CCDC170: variants seen among roughly 807,000 people sequenced by gnomAD.
CCDC170 encodes the protein coiled-coil domain-containing protein 170.
Under a neutral mutation model 72.6 loss-of-function variants are expected in CCDC170, and 69 were observed. That is an observed-to-expected ratio of 0.95 (90% CI 0.78 to 1.16). The LOEUF (loss-of-function observed/expected upper bound fraction) is 1.16. Ranked by LOEUF, CCDC170 falls within the 50% of genes most tolerant of loss-of-function variation. The probability of loss-of-function intolerance (pLI) is 0.00; values close to 1 mark genes in which losing one functional copy is unlikely to be tolerated. For synonymous variants in CCDC170, 300 were observed against 303.9 expected (o/e 0.99, Z 0.13); for missense variants, 852 against 832.5 (o/e 1.02, Z -0.29).
intron 1 of CCDC170, among the ~76,000 whole-genome samples, chr6:151,507,839 T>G (rs1017864616): frequency 3.3e-5 from 5 of 151,672 alleles, no homozygotes; most frequent in African/African-American, 1.2e-4. Context: ...GAGAATCGCT[T>G]GAACCAGGGA....
chr6:151,499,170 A>T lies in CCDC170; in HGVS notation c.57+4985A>T, dbSNP rs539760143. 1.7e-3 allele frequency among the ~76,000 whole-genome samples: 236 copies of T among 141,568 alleles called. 11 individuals carry two copies. Among genetic ancestry groups the T allele is most frequent in the Non-Finnish European group, 2.5e-3 (166 of 66,814 alleles). The allele number at this position is 141,568 out of a possible 152,430, so 92.9% of individuals were successfully genotyped here. On this transcript the variant is annotated intron_variant, in intron 1 of 10. Coordinates refer to ENST00000239374, the MANE Select transcript of CCDC170 (RefSeq NM_025059.4). ...CTAGGCACGCTGTATAAGTGGAATC[A>T]GACTGTATTTGACTATTTTAGGCAC...
intron 1 of CCDC170, among the ~76,000 whole-genome samples, chr6:151,500,312 C>A (rs564316163): frequency 6.6e-6 from 1 of 150,502 alleles, no homozygotes; most frequent in African/African-American, 2.4e-5. Context: ...AAGTCAGAAG[C>A]CTTCTCTAGA....
rs35011106 is a variant in CCDC170 at position 151,620,189 on chromosome 6, C to CAAAAAAAAAAAAA, written c.*2047_*2059dup. 1 of 104,666 alleles carries CAAAAAAAAAAAAA rather than the reference C, an allele frequency of 9.6e-6. No homozygotes were observed. Among genetic ancestry groups the CAAAAAAAAAAAAA allele is most frequent in the Non-Finnish European group, 1.9e-5 (1 of 52,116 alleles). 6.5% of individuals were successfully genotyped at this position (104,666 alleles called of 1,614,324 possible). On this transcript the variant is annotated 3_prime_UTR_variant, in exon 11 of 11. Coordinates refer to ENST00000239374, the MANE Select transcript of CCDC170 (RefSeq NM_025059.4). ...CCAATAAATGTAGAATGGATGATTC[C>CAAAAAAAAAAAAA]AAAAAAAAAAAAAAAAAGAAGAAAG... is the stretch of plus-strand genomic sequence containing the variant.
intron 9 of CCDC170, among the ~76,000 whole-genome samples, chr6:151,608,460 A>G (rs926714073): frequency 6.6e-6 from 1 of 152,214 alleles, no homozygotes; most frequent in African/African-American, 2.4e-5. Flanking sequence ...CCGCTTTTGT[A>G]GGGAAAGACT....
intron 5 of CCDC170, among the ~76,000 whole-genome samples, chr6:151,560,099 G>A (rs1055808712): frequency 1.3e-5 from 2 of 152,090 alleles, no homozygotes; most frequent in Non-Finnish European, 2.9e-5. Flanking sequence ...TTCACATTTA[G>A]CACTATATTT....
At chr6:151,497,968 A>G (rs980998586) in intron 1 of CCDC170, among the ~76,000 whole-genome samples, 9 of 151,620 alleles carry the variant, frequency 5.9e-5, no homozygotes, top group African/African-American at 1.5e-4. Flanking sequence ...AAAAAAAAAA[A>G]AAAAAAAGAA....
chr6:151,582,181 C>G (rs989148384), intron 6 of CCDC170, among the ~76,000 whole-genome samples: 9 of 152,240 alleles, frequency 5.9e-5, no homozygotes, highest in African/African-American at 2.2e-4. Context: ...AACCTCTTCC[C>G]ATAGAAGGCT....
intron 1 of CCDC170, among the ~76,000 whole-genome samples, chr6:151,528,085 C>A (rs1257715741): frequency 6.6e-6 from 1 of 152,142 alleles, no homozygotes; most frequent in Non-Finnish European, 1.5e-5. Context: ...CCCCGTGAGA[C>A]AATTTCAATC....
chr6:151,540,514 T>C (rs545296013), intron 3 of CCDC170, among the ~76,000 whole-genome samples: 21 of 150,034 alleles, frequency 1.4e-4, no homozygotes, highest in African/African-American at 5.1e-4. Flanking sequence ...GCCTCCCAAG[T>C]AGCTGGGATT....
Position 151,561,380 on chromosome 6 carries a change from C to T in CCDC170, c.775-11794C>T, listed in dbSNP as rs140250648. 3.0e-3 allele frequency among the ~76,000 whole-genome samples: 460 copies of T among 152,116 alleles called. 5 individuals are homozygous for T. The highest frequency in any genetic ancestry group is 0.011 in the African/African-American group (437 of 41,516). ...TATTCTTTCATTTCCATGTTTAGAA[C>T]TCCTTTGAGCATTTCTTGTAGGTCT... On this transcript the variant is annotated intron_variant, in intron 5 of 10. Coordinates refer to ENST00000239374, the MANE Select transcript of CCDC170 (RefSeq NM_025059.4).
intron 1 of CCDC170, among the ~76,000 whole-genome samples, chr6:151,530,331 C>G (rs1782476095): frequency 6.6e-6 from 1 of 151,366 alleles, no homozygotes; most frequent in South Asian, 2.1e-4. Flanking sequence ...ATACATATTG[C>G]CAAATACTTT....
At chr6:151,546,997 GA>G (rs34984012) in intron 4 of CCDC170, among the ~76,000 whole-genome samples, 30 of 148,684 alleles carry the variant, frequency 2.0e-4, no homozygotes, top group Middle Eastern at 3.5e-3. Context: ...GTCTTAAGAA[GA>G]AAAAAAAAAA....
Position 151,596,448 on chromosome 6 carries a change from G to C in CCDC170, c.1581G>C (p.Glu527Asp). 7 of 1,614,158 alleles carry C rather than the reference G, an allele frequency of 4.3e-6. No individual in the cohort carries two copies. Among genetic ancestry groups the C allele is most frequent in the Non-Finnish European group, 5.1e-6 (6 of 1,180,030 alleles). The part of the protein sequence containing the change: ...EKQARTALVV[E>D]RDNAHLTIRN... ...AGGCACGCACGGCCTTGGTGGTTGAGAGGGACAACGCGCATCTTACCATCA... is the reference window on the plus strand; with the variant it reads ...AGGCACGCACGGCCTTGGTGGTTGACAGGGACAACGCGCATCTTACCATCA... Residue 527 changes from glutamate to aspartate, a missense_variant, in exon 9 of 11, where the codon GAG becomes GAC. Physicochemically the swap from Glu to Asp is conservative, Grantham distance 45. Transcript: ENST00000239374.
chr6:151,538,903 AT>A (rs1274255379), intron 3 of CCDC170, among the ~76,000 whole-genome samples: 1 of 152,216 alleles, frequency 6.6e-6, no homozygotes, highest in Non-Finnish European at 1.5e-5. Context: ...TCTTAAAAAA[AT>A]AACCCAATAC....
At chr6:151,573,849 C>T (rs1014846142) in intron 6 of CCDC170, among the ~76,000 whole-genome samples, 1 of 152,222 alleles carries the variant, frequency 6.6e-6, no homozygotes, top group Non-Finnish European at 1.5e-5. Flanking sequence ...CCCACCAGGT[C>T]CCTCCCACGA....
chr6:151,571,000 C>T (rs4869737), intron 5 of CCDC170, among the ~76,000 whole-genome samples: 101,497 of 151,834 alleles, frequency 0.67, 34,497 homozygotes, highest in Admixed American at 0.75. Flanking sequence ...GCTTCTCTAA[C>T]TACATATCTA....
chr6:151,616,599 G>A (rs1016871911), intron 10 of CCDC170, among the ~76,000 whole-genome samples: 2 of 152,176 alleles, frequency 1.3e-5, no homozygotes, highest in Non-Finnish European at 2.9e-5. Flanking sequence ...ATTGGAAAGG[G>A]TAGAAGTCTG....
chr6:151,504,184 A>C (rs1048514417), intron 1 of CCDC170, among the ~76,000 whole-genome samples: 5 of 152,256 alleles, frequency 3.3e-5, no homozygotes, highest in African/African-American at 1.2e-4. Context: ...ATATACGCAT[A>C]GAGAAAGGAA....
chr6:151,524,774 C>T (rs2115036086), intron 1 of CCDC170, among the ~76,000 whole-genome samples: 1 of 152,206 alleles, frequency 6.6e-6, no homozygotes, highest in South Asian at 2.1e-4. Flanking sequence ...TGTGCCTATA[C>T]ACATTGTGCC....
Sources: allele counts gnomAD v4.1 joint callset (sites outside exome capture counted in the v4.1 genomes callset), GRCh38; gene constraint gnomAD v4.1.1; transcripts MANE v1.5; gene names NCBI Gene and HGNC (gene_info 2026-07-23, HGNC 2026-07-21).